Variants in PCNX1 observed in about 807,000 individuals in gnomAD.
PCNX1 encodes the protein pecanex-like protein 1.
Under a neutral mutation model 242.2 loss-of-function variants are expected in PCNX1, and 78 were observed. The ratio of observed to expected loss-of-function variants is 0.32; its 90% CI spans 0.27 to 0.39. PCNX1 has a LOEUF of 0.39. Ranked by LOEUF, PCNX1 falls within the 10% of genes least tolerant of loss-of-function variation. The probability of loss-of-function intolerance (pLI) is 1.00; values close to 1 mark genes in which losing one functional copy is unlikely to be tolerated. For missense variants in PCNX1, 2,581 were observed against 2,856.5 expected (o/e 0.90, Z 2.20); for synonymous variants, 1,024 against 1,032.9 (o/e 0.99, Z 0.17).
intron 2 of PCNX1, among the ~76,000 whole-genome samples, chr14:70,948,601 G>A (rs1440073153): frequency 7.1e-6 from 1 of 141,824 alleles, no homozygotes; most frequent in African/African-American, 2.5e-5. Context: ...ATAGATATGT[G>A]TATATATAGA....
At chr14:70,946,245 C>T (rs965222138) in intron 1 of PCNX1, among the ~76,000 whole-genome samples, 6 of 152,210 alleles carry the variant, frequency 3.9e-5, no homozygotes, top group African/African-American at 1.4e-4. Context: ...TTTTGCATGT[C>T]TTCCATATCT....
intron 19 of PCNX1, among the ~76,000 whole-genome samples, chr14:71,038,599 T>A (rs1247135428): frequency 6.6e-6 from 1 of 151,388 alleles, no homozygotes; most frequent in Non-Finnish European, 1.5e-5. Context: ...TGTGGAGAAA[T>A]AGGAACACTT....
chr14:70,985,368 C>T (rs2058969236), intron 6 of PCNX1, among the ~76,000 whole-genome samples: 1 of 152,160 alleles, frequency 6.6e-6, no homozygotes, highest in South Asian at 2.1e-4. Context: ...GCGCCTGCCA[C>T]CACACCCGCT....
At chr14:71,019,719 T>A (rs1299140502) in intron 12 of PCNX1, among the ~76,000 whole-genome samples, 7 of 152,182 alleles carry the variant, frequency 4.6e-5, no homozygotes, top group Admixed American at 4.6e-4. Context: ...ACTGTATTTG[T>A]TAAAATAAGA....
At chr14:71,106,821 T>G (rs942422095) in intron 33 of PCNX1, among the ~76,000 whole-genome samples, 3 of 152,236 alleles carry the variant, frequency 2.0e-5, no homozygotes, top group Non-Finnish European at 2.9e-5. Context: ...GATTTGTGTT[T>G]TATATTCTGG....
chr14:70,996,840 A>C (rs1373072203), intron 8 of PCNX1, among the ~76,000 whole-genome samples: 1 of 152,146 alleles, frequency 6.6e-6, no homozygotes, highest in Non-Finnish European at 1.5e-5. Context: ...AAGTTGCCCA[A>C]ATTAGGATTT....
At chr14:70,920,962 A>G (rs2056351821) in intron 1 of PCNX1, among the ~76,000 whole-genome samples, 1 of 152,184 alleles carries the variant, frequency 6.6e-6, no homozygotes, top group South Asian at 2.1e-4. Context: ...CACTGGGCAA[A>G]TTAATCTTTG....
At chr14:70,929,054 G>A (rs2056692347) in intron 1 of PCNX1, among the ~76,000 whole-genome samples, 1 of 152,050 alleles carries the variant, frequency 6.6e-6, no homozygotes, top group Non-Finnish European at 1.5e-5. Flanking sequence ...GTTCTATTCC[G>A]GGGCCTCTTT....
intron 5 of PCNX1, among the ~76,000 whole-genome samples, chr14:70,976,207 C>G (rs750725552): frequency 2.0e-5 from 3 of 152,092 alleles, no homozygotes; most frequent in Non-Finnish European, 4.4e-5. Context: ...TCAGTTATTC[C>G]TTGCCTGTGA....
chr14:71,007,496 A>G (rs2059700118), intron 8 of PCNX1, among the ~76,000 whole-genome samples: 2 of 152,170 alleles, frequency 1.3e-5, no homozygotes, highest in South Asian at 4.1e-4. Flanking sequence ...TTTCTAAAAT[A>G]TGTATAAATT....
intron 16 of PCNX1, among the ~76,000 whole-genome samples, chr14:71,029,186 A>G (rs925676917): frequency 1.3e-5 from 2 of 152,138 alleles, no homozygotes; most frequent in African/African-American, 4.8e-5. Flanking sequence ...AATTTAAGAT[A>G]CATGCTAATA....
intron 16 of PCNX1, among the ~76,000 whole-genome samples, chr14:71,029,121 T>C (rs1199502325): frequency 6.6e-6 from 1 of 152,130 alleles, no homozygotes; most frequent in Admixed American, 6.5e-5. Flanking sequence ...GTTAAGAATT[T>C]AACTACTTTT....
intron 5 of PCNX1, among the ~76,000 whole-genome samples, chr14:70,969,704 G>A (rs1219542602): frequency 2.0e-5 from 3 of 152,046 alleles, no homozygotes; most frequent in Non-Finnish European, 2.9e-5. Context: ...CATGTACTGT[G>A]TGGGCCGGGC....
chr14:70,933,367 A>G (rs1401299029), intron 1 of PCNX1, among the ~76,000 whole-genome samples: 1 of 152,234 alleles, frequency 6.6e-6, no homozygotes, highest in East Asian at 1.9e-4. Context: ...TCAGCAAACT[A>G]TGGCCCATGG....
chr14:71,008,643 G>A (rs1298749530), intron 8 of PCNX1, among the ~76,000 whole-genome samples: 7 of 120,780 alleles, frequency 5.8e-5, no homozygotes, highest in Admixed American at 3.1e-4. Context: ...GTGACAGAGC[G>A]AGACTCTGTC....
chr14:71,080,462 G>C (rs574837262), intron 28 of PCNX1, among the ~76,000 whole-genome samples: 177 of 152,136 alleles, frequency 1.2e-3, no homozygotes, highest in Non-Finnish European at 2.2e-3. Context: ...ATTACTTTGG[G>C]TAGTATGGCC....
chr14:71,036,671 A>G (rs938392645), intron 19 of PCNX1, among the ~76,000 whole-genome samples: 9 of 152,180 alleles, frequency 5.9e-5, no homozygotes, highest in Non-Finnish European at 1.2e-4. Flanking sequence ...GACATTGCCT[A>G]AACACACATT....
chr14:70,974,951 T>C (rs757514830), intron 5 of PCNX1, among the ~76,000 whole-genome samples: 4 of 152,214 alleles, frequency 2.6e-5, no homozygotes, highest in Non-Finnish European at 4.4e-5. Context: ...TTAAACCTTT[T>C]GTGGTATATT....
chr14:70,957,440 C>G (rs1003756742), intron 2 of PCNX1, among the ~76,000 whole-genome samples: 1 of 152,056 alleles, frequency 6.6e-6, no homozygotes, highest in Non-Finnish European at 1.5e-5. Context: ...TATTACTTGG[C>G]TATAAAAAGG....
Sources: gnomAD v4.1 joint callset for allele counts (sites outside exome capture counted in the v4.1 genomes callset) on GRCh38, gnomAD v4.1.1 for gene constraint, MANE v1.5 for transcripts, NCBI Gene and HGNC (gene_info 2026-07-23, HGNC 2026-07-21) for gene names.